Variants in PCDH15 observed in about 807,000 individuals in gnomAD.
PCDH15 encodes the protein protocadherin related 15.
Under a neutral mutation model 178.5 loss-of-function variants are expected in PCDH15, and 129 were observed. The observed-to-expected ratio is 0.72, with a 90% confidence interval of 0.63 to 0.84. The LOEUF is 0.84. Ranked by LOEUF, PCDH15 falls within the 40% of genes least tolerant of loss-of-function variation. The pLI, the probability that PCDH15 is intolerant of heterozygous loss-of-function variation, is 0.00. For missense variants in PCDH15, 2,230 were observed against 2,099.9 expected (o/e 1.06, Z -1.21); for synonymous variants, 800 against 732.0 (o/e 1.09, Z -1.50).
chr10:55,168,253 T>C (rs11592019), intron 1 of PCDH15, among the ~76,000 whole-genome samples: 20,467 of 152,098 alleles, frequency 0.13, 1,628 homozygotes, highest in Non-Finnish European at 0.17. Context: ...CCAAGCCCAG[T>C]GTGGCCCCTT....
At chr10:54,326,053 G>C (rs1026932635) in intron 7 of PCDH15, among the ~76,000 whole-genome samples, 2 of 152,136 alleles carry the variant, frequency 1.3e-5, no homozygotes, top group Non-Finnish European at 2.9e-5. Context: ...AACAGTTAAT[G>C]ATTAACAACC....
chr10:54,958,766 C>CA lies in PCDH15; in HGVS notation c.-79-61267dup, dbSNP rs917265000. ...GAAATGAAACAGAGAAAAGGATAGTCAAAAAAAAATACCCCACTCTCCAAA... is the reference window on the plus strand; with the variant it reads ...GAAATGAAACAGAGAAAAGGATAGTCAAAAAAAAAATACCCCACTCTCCAAA... On this transcript the variant is annotated intron_variant, in intron 2 of 5. Coordinates refer to the PCDH15 transcript ENST00000458638. Among the ~76,000 whole-genome samples, 569 of 148,596 alleles carry CA rather than the reference C, an allele frequency of 3.8e-3. 8 individuals are homozygous for CA. The highest frequency in any genetic ancestry group is 0.012 in the African/African-American group (503 of 40,762).
chr10:55,626,641 CA>C (rs559556483), intron 2 of PCDH15, among the ~76,000 whole-genome samples: 2 of 152,132 alleles, frequency 1.3e-5, no homozygotes, highest in Non-Finnish European at 2.9e-5. Flanking sequence ...CCCCACAGTT[CA>C]AAAATATTGT....
At chr10:54,629,409 G>C (rs1366486360) in intron 2 of PCDH15, among the ~76,000 whole-genome samples, 1 of 152,100 alleles carries the variant, frequency 6.6e-6, no homozygotes, top group East Asian at 1.9e-4. Context: ...GATCAAGAAG[G>C]CTATATTCCT....
chr10:53,808,808 C>CGCTACTACT (rs772159860), intron 37 of PCDH15: 19 of 1,611,664 alleles, frequency 1.2e-5, no homozygotes, highest in Non-Finnish European at 1.4e-5. Flanking sequence ...GACTGACTTT[C>CGCTACTACT]GCTACTACTG....
chr10:54,003,671 G>T (rs191720086), intron 20 of PCDH15, among the ~76,000 whole-genome samples: 28 of 136,478 alleles, frequency 2.1e-4, no homozygotes, highest in African/African-American at 7.1e-4. Context: ...GAACCTGATG[G>T]TTTTGCTACT....
At chr10:54,614,628 G>C (rs935057821) in intron 2 of PCDH15, among the ~76,000 whole-genome samples, 6 of 151,886 alleles carry the variant, frequency 4.0e-5, no homozygotes, top group Admixed American at 1.3e-4. Flanking sequence ...AAACACTAAT[G>C]AAGTGCTCTG....
intron 2 of PCDH15, among the ~76,000 whole-genome samples, chr10:54,957,132 T>C (rs574606157): frequency 1.3e-5 from 2 of 151,824 alleles, no homozygotes; most frequent in African/African-American, 4.8e-5. Flanking sequence ...CTAACTATCA[T>C]GTGGGGATAA....
chr10:55,384,535 T>C (rs2132005654), intron 2 of PCDH15, among the ~76,000 whole-genome samples: 1 of 152,228 alleles, frequency 6.6e-6, no homozygotes, highest in Admixed American at 6.5e-5. Flanking sequence ...TTTTGTTTGT[T>C]TGTTTGTTTT....
intron 1 of PCDH15, among the ~76,000 whole-genome samples, chr10:55,231,850 T>C (rs1457158991): frequency 6.6e-6 from 1 of 151,996 alleles, no homozygotes; most frequent in Non-Finnish European, 1.5e-5. Context: ...AAATTCTCGA[T>C]ATTTGCTTAC....
At chr10:55,213,098 A>G (rs1840611348) in intron 1 of PCDH15, among the ~76,000 whole-genome samples, 1 of 152,084 alleles carries the variant, frequency 6.6e-6, no homozygotes. Context: ...CTTTTACTGA[A>G]CTGTGAGTCG....
intron 21 of PCDH15, among the ~76,000 whole-genome samples, chr10:53,967,536 T>C (rs980529372): frequency 6.6e-6 from 1 of 152,190 alleles, no homozygotes; most frequent in African/African-American, 2.4e-5. Flanking sequence ...CCTCCCAAAG[T>C]ATTAGGATTA....
At chr10:54,881,093 A>T (rs1912984) in intron 3 of PCDH15, among the ~76,000 whole-genome samples, 113,322 of 151,932 alleles carry the variant, frequency 0.75, 42,646 homozygotes, top group East Asian at 0.89. Context: ...CTGACTTTTA[A>T]AGGGCACTTA....
At chr10:54,465,033 C>T (rs1589554238) in intron 3 of PCDH15, among the ~76,000 whole-genome samples, 2 of 152,084 alleles carry the variant, frequency 1.3e-5, no homozygotes, top group Non-Finnish European at 2.9e-5. Context: ...CACACCACTA[C>T]ATTTGTCTGC....
chr10:55,467,966 C>CAAAAAAAAAAAAAAAAAAAAAAAAAAAA (rs71463104), intron 2 of PCDH15, among the ~76,000 whole-genome samples: 2 of 36,638 alleles, frequency 5.5e-5, no homozygotes, highest in Admixed American at 3.5e-4. Context: ...GACTCCGTCT[C>CAAAAAAAAAAAAAAAAAAAAAAAAAAAA]AAAAAAAAAA....
chr10:55,469,489 T>C (rs1839911402), intron 2 of PCDH15, among the ~76,000 whole-genome samples: 3 of 152,132 alleles, frequency 2.0e-5, no homozygotes, highest in Admixed American at 2.0e-4. Flanking sequence ...GCCAGTATGT[T>C]AGAATTGTTT....
intron 3 of PCDH15, among the ~76,000 whole-genome samples, chr10:54,880,968 T>G (rs187973529): frequency 2.2e-4 from 33 of 152,014 alleles, no homozygotes; most frequent in Admixed American, 2.0e-3. Flanking sequence ...AGAATACTCC[T>G]GTAGGTTCTC....
At chr10:54,586,702 G>T (rs2091492277) in intron 2 of PCDH15, among the ~76,000 whole-genome samples, 1 of 152,042 alleles carries the variant, frequency 6.6e-6, no homozygotes, top group Non-Finnish European at 1.5e-5. Context: ...ACCATGTTTA[G>T]TTAAGTTAGA....
At chr10:54,599,975 C>T in intron 2 of PCDH15, 2 of 1,196,400 alleles carry the variant, frequency 1.7e-6, no homozygotes, top group Non-Finnish European at 2.4e-6. Context: ...CCAGAAAAAG[C>T]CAAGTCTACT....
Sources: allele counts gnomAD v4.1 joint callset (sites outside exome capture counted in the v4.1 genomes callset), GRCh38; gene constraint gnomAD v4.1.1; transcripts MANE v1.5; gene names NCBI Gene and HGNC (gene_info 2026-07-23, HGNC 2026-07-21).